Variants in SNX8 observed in about 807,000 individuals in gnomAD.
The protein encoded by SNX8 is sorting nexin-8.
A neutral mutation model predicts 51.6 loss-of-function variants in SNX8; 25 were observed. The observed-to-expected ratio is 0.48, with a 90% CI of 0.35 to 0.68. The LOEUF (loss-of-function observed/expected upper bound fraction) is 0.68. Ranked by LOEUF, SNX8 falls within the 30% of genes least tolerant of loss-of-function variation. The pLI is 0.00. For synonymous variants in SNX8, 324 were observed against 277.0 expected, an observed-to-expected ratio of 1.17 and a Z score of -1.68; for missense variants, 695 against 624.0, an observed-to-expected ratio of 1.11 and a Z score of -1.21.
At chr7:2,321,331 T>C (rs540644854) in intron 1 of SNX8, among the ~76,000 whole-genome samples, 1 of 152,212 alleles carries the variant, frequency 6.6e-6, no homozygotes, top group African/African-American at 2.4e-5. Context: ...GGAGAGTGCC[T>C]TGGGAATGTG....
chr7:2,315,076 T>TCATG (rs1796732199), upstream of SNX8, among the ~76,000 whole-genome samples: 1 of 150,002 alleles, frequency 6.7e-6, no homozygotes, highest in Non-Finnish European at 1.5e-5. Context: ...ACCCACTCAC[T>TCATG]CACTGCATCC....
intron 1 of SNX8, among the ~76,000 whole-genome samples, chr7:2,294,402 C>T (rs1470168199): frequency 1.3e-5 from 2 of 152,158 alleles, no homozygotes; most frequent in Non-Finnish European, 2.9e-5. Context: ...AGATTGGAGC[C>T]CTCATACAGT....
At chr7:2,317,170 C>A (rs1796770272), upstream of SNX8, among the ~76,000 whole-genome samples, 1 of 144,048 alleles carries the variant, frequency 6.9e-6, no homozygotes, top group Non-Finnish European at 1.5e-5. Flanking sequence ...TCATTCCAGG[C>A]TAAAAGTGTG....
chr7:2,333,975 A>G (rs183291519), intron 1 of SNX8, among the ~76,000 whole-genome samples: 1 of 152,212 alleles, frequency 6.6e-6, no homozygotes, highest in East Asian at 1.9e-4. Context: ...CATCTCTACA[A>G]AAATTTAAAA....
chr7:2,330,384 C>A (rs999880606), intron 1 of SNX8, among the ~76,000 whole-genome samples: 1 of 151,812 alleles, frequency 6.6e-6, no homozygotes, highest in Non-Finnish European at 1.5e-5. Flanking sequence ...GTGATCTGCC[C>A]GCCTTGGCCT....
chr7:2,252,874 CT>C lies in SNX8; in HGVS notation c.*2181del. The C allele has an allele frequency of 1.1e-5, 1 of 88,156 alleles. No homozygotes were observed. The highest frequency in any genetic ancestry group is 2.5e-5 in the Non-Finnish European group (1 of 39,692). The allele number at this position is 88,156 out of a possible 1,614,324, so 5.5% of individuals were successfully genotyped here. ...CTCCTCACCCCTGCTCTCCTGCTCT[CT>C]CACCCCTGCCCCCTTGCTCTCTCAC... On this transcript the variant is annotated 3_prime_UTR_variant, in exon 11 of 11. Coordinates refer to ENST00000222990, the MANE Select transcript of SNX8 (RefSeq NM_013321.4).
At position 2,257,453 on chromosome 7, in the gene SNX8, T is replaced by C. The variant is rs760699577; in HGVS notation, c.1046A>G (p.Tyr349Cys). ...CATCATCTGCCTCTTCATCAGGCTG[T>C]ACTTGTGCAGGGCCCGCTGGTGCTT... ...LHKHQRALHK[Y>C]SLMKRQMMSA... Residue 349 changes from tyrosine to cysteine, a missense_variant, in exon 9 of 11, where the codon TAC (tyrosine) becomes TGC (cysteine). Coordinates refer to ENST00000222990, the MANE Select transcript of SNX8 (RefSeq NM_013321.4). The C allele has an allele frequency of 3.1e-6, 5 of 1,609,724 alleles. No homozygotes were observed. The highest frequency in any genetic ancestry group is 3.4e-6 in the Non-Finnish European group (4 of 1,179,044).
At chr7:2,334,992 T>C (rs1778800563) in intron 1 of SNX8, among the ~76,000 whole-genome samples, 1 of 151,600 alleles carries the variant, frequency 6.6e-6, no homozygotes, top group Admixed American at 6.6e-5. Flanking sequence ...CGTCAGGAGT[T>C]CGAGGCCAGC....
intron 1 of SNX8, among the ~76,000 whole-genome samples, chr7:2,294,257 C>T (rs900405065): frequency 6.6e-6 from 1 of 151,718 alleles, no homozygotes; most frequent in South Asian, 2.1e-4. Context: ...GTGCAAGACT[C>T]CATCTCAAAA....
intron 1 of SNX8, among the ~76,000 whole-genome samples, chr7:2,332,079 C>A (rs900359138): frequency 2.0e-5 from 3 of 151,260 alleles, no homozygotes; most frequent in African/African-American, 7.3e-5. Flanking sequence ...TGTCGGCTTG[C>A]ACCTGTAGTT....
chr7:2,309,024 G>A (rs1796608890), intron 1 of SNX8, among the ~76,000 whole-genome samples: 1 of 151,882 alleles, frequency 6.6e-6, no homozygotes, highest in Admixed American at 6.6e-5. Context: ...CCTGACCTCA[G>A]GTGATCCGCC....
chr7:2,322,516 G>A (rs372384918), intron 1 of SNX8, among the ~76,000 whole-genome samples: 16 of 151,952 alleles, frequency 1.1e-4, no homozygotes, highest in African/African-American at 3.9e-4. Context: ...CTAACATGAT[G>A]AAACCCCATC....
intron 3 of SNX8, among the ~76,000 whole-genome samples, chr7:2,272,200 G>A (rs1795665116): frequency 6.6e-6 from 1 of 152,164 alleles, no homozygotes; most frequent in South Asian, 2.1e-4. Flanking sequence ...GGGTCCAGGA[G>A]CTGCCAAGGA....
At chr7:2,329,972 T>C (rs1429914333) in intron 1 of SNX8, among the ~76,000 whole-genome samples, 1 of 102,696 alleles carries the variant, frequency 9.7e-6, no homozygotes, top group Non-Finnish European at 1.8e-5. Flanking sequence ...GTAGCTGAGA[T>C]TACAGGTGCA....
Position 2,264,431 on chromosome 7 carries a change from G to C in SNX8, c.649C>G (p.Gln217Glu), listed in dbSNP as rs1477766521. The C allele has an allele frequency of 1.9e-6, 3 of 1,611,736 alleles. No individual in the cohort carries two copies. The African/African-American group carries it at 4.0e-5, about 22-fold the overall frequency. ...KDFLPADIQA[Q>E]FAISRELIRN... The stretch of plus-strand genomic sequence containing the variant: ...ATCAGCTCCCGGCTGATGGCAAACT[G>C]AGCCTGGATGTCAGCTGGGAGGAAG... The change falls in exon 6 of 11, where the codon CAG becomes GAG. Residue 217 changes from glutamine to glutamate, a missense_variant. Gln to Glu is a conservative substitution (Grantham distance 29). Coordinates refer to ENST00000222990, the MANE Select transcript of SNX8 (RefSeq NM_013321.4).
At chr7:2,268,537 CG>C (rs1486771439) in intron 5 of SNX8, among the ~76,000 whole-genome samples, 1 of 143,678 alleles carries the variant, frequency 7.0e-6, no homozygotes, top group African/African-American at 2.6e-5. Flanking sequence ...CCGTGCCATC[CG>C]GGAGGGAGGT....
intron 3 of SNX8, among the ~76,000 whole-genome samples, chr7:2,272,377 CTT>C (rs796551153): frequency 1.4e-4 from 20 of 143,850 alleles, no homozygotes; most frequent in Admixed American, 1.4e-4. Context: ...GTCTTCTTTT[CTT>C]TTTTTTTTTT....
At chr7:2,338,904 T>C (rs1242129860) in intron 1 of SNX8, among the ~76,000 whole-genome samples, 1 of 151,936 alleles carries the variant, frequency 6.6e-6, no homozygotes, top group Non-Finnish European at 1.5e-5. Context: ...TAGCAAGACC[T>C]TGCCTCTATT....
intron 10 of SNX8, among the ~76,000 whole-genome samples, chr7:2,256,549 T>C (rs530155718): frequency 2.6e-5 from 4 of 152,352 alleles, no homozygotes; most frequent in Admixed American, 6.5e-5. Context: ...TCCGAAGCGC[T>C]AGAAACCTTC....
Sources: gnomAD v4.1 joint callset for allele counts (sites outside exome capture counted in the v4.1 genomes callset) on GRCh38, gnomAD v4.1.1 for gene constraint, MANE v1.5 for transcripts, NCBI Gene and HGNC (gene_info 2026-07-23, HGNC 2026-07-21) for gene names.